The following ARK2C variants were observed in gnomAD, a reference collection of about 807,000 sequenced individuals.
The protein encoded by ARK2C is E3 ubiquitin-protein ligase ARK2C.
At chr18:46,363,018 A>G in the ARK2C span, among the ~76,000 whole-genome samples, 2 of 151,966 alleles carry the variant, frequency 1.3e-5, no homozygotes, top group African/African-American at 4.8e-5. Flanking sequence ...AACCAGACCA[A>G]CCTCTGCTGC....
chr18:46,348,422 A>G, the ARK2C span, among the ~76,000 whole-genome samples: 2 of 152,176 alleles, frequency 1.3e-5, no homozygotes, highest in Admixed American at 6.5e-5. Flanking sequence ...AATAAAGTGC[A>G]CAGAACCTCT....
the ARK2C span, among the ~76,000 whole-genome samples, chr18:46,408,482 G>C: frequency 5.9e-3 from 892 of 152,298 alleles, 10 homozygotes; most frequent in African/African-American, 0.02. Context: ...TCAAATTCCA[G>C]GTCTAACCCA....
chr18:46,385,868 G>C, the ARK2C span: 3 of 152,240 alleles, frequency 2.0e-5, no homozygotes, highest in African/African-American at 7.2e-5. Context: ...TCTGGGGCTG[G>C]AAGAGTTGCT....
chr18:46,454,500 G>A, the ARK2C span, among the ~76,000 whole-genome samples: 2 of 152,304 alleles, frequency 1.3e-5, no homozygotes, highest in East Asian at 3.9e-4. Context: ...AAGCCTAGCA[G>A]GGTTTGCAGT....
At chr18:46,433,115 C>A in the ARK2C span, 2 of 1,184,486 alleles carry the variant, frequency 1.7e-6, no homozygotes, top group Non-Finnish European at 1.2e-6. Flanking sequence ...CAGGCTGCCC[C>A]GGGTGGGCAC....
At chr18:46,386,676 G>A in the ARK2C span, 1 of 152,170 alleles carries the variant, frequency 6.6e-6, no homozygotes, top group Non-Finnish European at 1.5e-5. Context: ...GAACAAAACA[G>A]GATCTTTTCC....
At chr18:46,413,947 C>A in the ARK2C span, among the ~76,000 whole-genome samples, 1 of 152,182 alleles carries the variant, frequency 6.6e-6, no homozygotes, top group Admixed American at 6.5e-5. Context: ...GTAATCTAAA[C>A]CACATAATTT....
At chr18:46,374,944 T>G in the ARK2C span, among the ~76,000 whole-genome samples, 3 of 152,206 alleles carry the variant, frequency 2.0e-5, no homozygotes, top group Non-Finnish European at 2.9e-5. Context: ...TGCACTTCCC[T>G]ACTGCCCTCC....
At chr18:46,356,951 A>G in the ARK2C span, among the ~76,000 whole-genome samples, 1 of 152,154 alleles carries the variant, frequency 6.6e-6, no homozygotes, top group South Asian at 2.1e-4. Flanking sequence ...CTGCATTGCA[A>G]TGCTGAGTTC....
the ARK2C span, among the ~76,000 whole-genome samples, chr18:46,349,741 T>C: frequency 7.9e-5 from 12 of 152,266 alleles, no homozygotes; most frequent in South Asian, 2.5e-3. Context: ...CCAGATTCCT[T>C]GAAGTGGAGT....
At chr18:46,457,712 T>C in the ARK2C span, 1 of 152,736 alleles carries the variant, frequency 6.5e-6, no homozygotes, top group Admixed American at 6.5e-5. Context: ...ACGTAGCCAC[T>C]GCCTCCCTAT....
At chr18:46,424,869 C>T in the ARK2C span, among the ~76,000 whole-genome samples, 1 of 152,238 alleles carries the variant, frequency 6.6e-6, no homozygotes, top group African/African-American at 2.4e-5. Context: ...TGATGCCTTC[C>T]TCACTGGCCT....
At chr18:46,334,352 TC>T in the ARK2C span, 1 of 1,580,494 alleles carries the variant, frequency 6.3e-7, no homozygotes, top group Non-Finnish European at 8.6e-7. The surrounding 1 kb of genome is among the most constrained non-coding windows in gnomAD (Gnocchi z 4.4). Context: ...CTTTTTCCTT[TC>T]GGGGTCTGCT....
the ARK2C span, among the ~76,000 whole-genome samples, chr18:46,363,838 C>A: frequency 9.2e-5 from 14 of 152,132 alleles, 1 homozygote; most frequent in South Asian, 2.1e-4. Flanking sequence ...TAGGGGCCAC[C>A]GTTGAGGGTG....
At chr18:46,424,601 G>GCTTTGTA in the ARK2C span, among the ~76,000 whole-genome samples, 1 of 152,154 alleles carries the variant, frequency 6.6e-6, no homozygotes, top group South Asian at 2.1e-4. Context: ...TCTTCCTGGC[G>GCTTTGTA]CTTTCTACTT....
At chr18:46,433,299 C>G in the ARK2C span, 3 of 1,611,596 alleles carry the variant, frequency 1.9e-6, no homozygotes, top group East Asian at 2.2e-5. Context: ...TGGCCCACCC[C>G]GTGCAGTCGC....
At chr18:46,374,611 G>GGCT in the ARK2C span, among the ~76,000 whole-genome samples, 1 of 80,732 alleles carries the variant, frequency 1.2e-5, no homozygotes, top group Non-Finnish European at 2.4e-5. Flanking sequence ...CCAGCCAGGT[G>GGCT]GCTTTATGCC....
At chr18:46,413,785 A>G in the ARK2C span, among the ~76,000 whole-genome samples, 2 of 152,146 alleles carry the variant, frequency 1.3e-5, no homozygotes, top group African/African-American at 4.8e-5. Flanking sequence ...CGTGGTAAGA[A>G]TTCCTATGGT....
chr18:46,405,253 T>C, the ARK2C span, among the ~76,000 whole-genome samples: 4 of 152,232 alleles, frequency 2.6e-5, no homozygotes, highest in African/African-American at 7.2e-5. Flanking sequence ...TCATCAGCTC[T>C]GAGGGCTCCC....
Sources: gnomAD v4.1 joint callset for allele counts (sites outside exome capture counted in the v4.1 genomes callset) on GRCh38, gnomAD v4.1.1 for gene constraint, Gnocchi (gnomAD v3.1) non-coding constraint, MANE v1.5 for transcripts, NCBI Gene and HGNC (gene_info 2026-07-23, HGNC 2026-07-21) for gene names.